Variants in LRPPRC observed in about 807,000 individuals in gnomAD.
LRPPRC encodes the protein leucine rich pentatricopeptide repeat containing, also known as leucine-rich PPR motif-containing protein, mitochondrial.
Under a neutral mutation model 180.3 loss-of-function variants are expected in LRPPRC, and 120 were observed. That is an observed-to-expected ratio of 0.67 (90% confidence interval 0.57 to 0.77). LRPPRC has a LOEUF of 0.77. Among genes scored for constraint, LRPPRC ranks in the 30% least tolerant of loss-of-function variants. LRPPRC has a pLI of 0.00. For missense variants in LRPPRC, 2,012 were observed against 1,657.2 expected, an observed-to-expected ratio of 1.21 and a Z score of -3.72; for synonymous variants, 723 against 600.0, an observed-to-expected ratio of 1.21 and a Z score of -3.00.
At chr2:43,914,250 T>A (rs982247800) in intron 29 of LRPPRC, among the ~76,000 whole-genome samples, 20 of 152,190 alleles carry the variant, frequency 1.3e-4, no homozygotes, top group African/African-American at 4.3e-4. Flanking sequence ...GTTTTTTTTT[T>A]AATTAGCATT....
chr2:43,961,586 C>A (rs1673349509), intron 12 of LRPPRC, among the ~76,000 whole-genome samples: 1 of 152,162 alleles, frequency 6.6e-6, no homozygotes, highest in Admixed American at 6.6e-5. Flanking sequence ...CTTGTGTTCT[C>A]TAATTTATCA....
chr2:43,915,222 TCTCTCTCTCTCACACACACACACA>T (rs1671411800), intron 29 of LRPPRC, among the ~76,000 whole-genome samples: 1 of 105,974 alleles, frequency 9.4e-6, no homozygotes, highest in Non-Finnish European at 1.8e-5. Flanking sequence ...TCTCTCTCTC[TCTCTCTCTCTCACACACACACACA>T]CACACACACA....
chr2:43,979,752 TAAAC>T (rs1283596171), intron 3 of LRPPRC, 70 bp downstream of exon 3: 30 of 1,349,704 alleles, frequency 2.2e-5, no homozygotes, highest in South Asian at 1.6e-4. Flanking sequence ...AGCATTTATG[TAAAC>T]AAACACTTTT....
At chr2:43,925,807 A>G in intron 26 of LRPPRC, 86 bp downstream of exon 26, 2 of 861,746 alleles carry the variant, frequency 2.3e-6, no homozygotes, top group Non-Finnish European at 4.1e-6. Flanking sequence ...TGTCTCTCGA[A>G]GTCCCCAAAT....
At chr2:43,941,499 T>C (rs1672479967) in intron 23 of LRPPRC, among the ~76,000 whole-genome samples, 1 of 152,196 alleles carries the variant, frequency 6.6e-6, no homozygotes, top group Non-Finnish European at 1.5e-5. Flanking sequence ...AATTACATGA[T>C]ATTACTGAAG....
intron 11 of LRPPRC, among the ~76,000 whole-genome samples, chr2:43,969,951 C>T (rs1299807613): frequency 6.6e-6 from 1 of 152,144 alleles, no homozygotes; most frequent in South Asian, 2.1e-4. Context: ...GTTGGGATTA[C>T]AGGTGTAAGC....
intron 32 of LRPPRC, among the ~76,000 whole-genome samples, chr2:43,899,913 A>G (rs1448155426): frequency 6.6e-6 from 1 of 152,240 alleles, no homozygotes; most frequent in Non-Finnish European, 1.5e-5. Context: ...AGAATTAATG[A>G]AGATAACTTT....
chr2:43,972,975 C>A (rs1174877472), intron 11 of LRPPRC, among the ~76,000 whole-genome samples: 1 of 152,170 alleles, frequency 6.6e-6, no homozygotes, highest in Non-Finnish European at 1.5e-5. Flanking sequence ...GAATTAGATA[C>A]TGTACTCTAA....
Position 43,934,842 on chromosome 2 carries a change from G to C in LRPPRC, c.2541C>G (p.Asp847Glu), listed in dbSNP as rs1258098855. The C allele has an allele frequency of 6.2e-7, 1 of 1,612,706 alleles. No homozygotes were observed. The highest frequency in any genetic ancestry group is 8.5e-7 in the Non-Finnish European group (1 of 1,178,828). ...GTAATACTTTATACTTTTCATAGCA[G>C]TCAATGGCGACCTCAAGAGCAGTAG... ...DLSTALEVAI[D>E]CYEKYKVLPR... The change falls in exon 24 of 38, where the codon GAC becomes GAG. Residue 847 changes from aspartate to glutamate, a missense_variant. Transcript: ENST00000260665.
chr2:43,909,737 A>G (rs1490733052), intron 30 of LRPPRC, among the ~76,000 whole-genome samples: 2 of 152,066 alleles, frequency 1.3e-5, no homozygotes, highest in Non-Finnish European at 2.9e-5. Context: ...ACTTATCCCC[A>G]AACTCACTGA....
intron 12 of LRPPRC, among the ~76,000 whole-genome samples, chr2:43,963,146 T>C (rs1018787405): frequency 6.6e-6 from 1 of 152,178 alleles, no homozygotes; most frequent in African/African-American, 2.4e-5. Flanking sequence ...TACAAAGCTT[T>C]AGAAAATTGT....
intron 25 of LRPPRC, among the ~76,000 whole-genome samples, chr2:43,928,007 A>T (rs1259725729): frequency 7.7e-6 from 1 of 130,238 alleles, no homozygotes; most frequent in African/African-American, 3.1e-5. Flanking sequence ...TCTAATTGGG[A>T]TGTTAAATAT....
intron 1 of LRPPRC, among the ~76,000 whole-genome samples, chr2:43,988,734 G>A (rs79908172): frequency 0.026 from 4,015 of 151,856 alleles, 182 homozygotes; most frequent in African/African-American, 0.091. Flanking sequence ...CAGTAGAAAC[G>A]GCGTTTCACC....
chr2:43,895,306 T>C (rs907423338), intron 35 of LRPPRC, among the ~76,000 whole-genome samples: 1 of 152,240 alleles, frequency 6.6e-6, no homozygotes, highest in Non-Finnish European at 1.5e-5. Flanking sequence ...TGGAACACTG[T>C]TAACAGGCAT....
Position 43,949,632 on chromosome 2 carries a change from G to T in LRPPRC, c.1705C>A (p.Arg569Ser). The change falls in exon 16 of 38, where the codon CGT becomes AGT. Residue 569 changes from arginine (R) to serine (S), a missense_variant. Arg to Ser is a moderately radical substitution (Grantham distance 110). Transcript: ENST00000260665. ...EITELLYKDG[R>S]YCQEPRGPTE... ...GGTCCTCGAGGCTCCTGGCAATAAC[G>T]TCCATCCTTGTACAACAATTCTGTT... is the stretch of plus-strand genomic sequence containing the variant. 1.9e-6 allele frequency: 3 copies of T among 1,613,786 alleles called. No individual in the cohort carries two copies. Among genetic ancestry groups the T allele is most frequent in the Non-Finnish European group, 2.5e-6 (3 of 1,179,784 alleles).
At chr2:43,977,452 T>G (rs973447762) in intron 3 of LRPPRC, among the ~76,000 whole-genome samples, 176 bp from the exon 4 acceptor site, 1 of 152,192 alleles carries the variant, frequency 6.6e-6, no homozygotes, top group Admixed American at 6.5e-5. Flanking sequence ...AAGCTAAGCA[T>G]GTAAGACAGT....
intron 16 of LRPPRC, 122 bp downstream of exon 16, chr2:43,949,480 C>G (rs1296724157): frequency 1.3e-6 from 1 of 742,536 alleles, no homozygotes; most frequent in African/African-American, 1.7e-5. Context: ...AGATTTATAA[C>G]CAAATGTTTT....
intron 30 of LRPPRC, among the ~76,000 whole-genome samples, chr2:43,911,962 T>C (rs1671278387): frequency 6.6e-6 from 1 of 152,170 alleles, no homozygotes; most frequent in Non-Finnish European, 1.5e-5. Flanking sequence ...TTAAGTAATA[T>C]TATCATACAC....
intron 27 of LRPPRC, 114 bp downstream of exon 27, chr2:43,924,953 G>C: frequency 1.3e-6 from 1 of 745,948 alleles, no homozygotes. Flanking sequence ...AGCCTCTGTT[G>C]AATGAAAACT....
Sources: gnomAD v4.1 joint callset for allele counts (sites outside exome capture counted in the v4.1 genomes callset) on GRCh38, gnomAD v4.1.1 for gene constraint, MANE v1.5 for transcripts, NCBI Gene and HGNC (gene_info 2026-07-23, HGNC 2026-07-21) for gene names.